Variants in NCOA3 observed in about 807,000 individuals in gnomAD.
NCOA3 encodes the protein nuclear receptor coactivator 3, also known as CBP-interacting protein.
A neutral mutation model predicts 158.8 loss-of-function variants in NCOA3; 51 were observed. The observed-to-expected ratio is 0.32, with a 90% CI of 0.26 to 0.41. NCOA3 has a LOEUF of 0.41. Ranked by LOEUF, NCOA3 falls within the 10% of genes least tolerant of loss-of-function variation. The pLI, the probability that NCOA3 is intolerant of heterozygous loss-of-function variation, is 1.00. For missense variants in NCOA3, 1,510 were observed against 1,746.6 expected, an observed-to-expected ratio of 0.86 and a Z score of 2.41; for synonymous variants, 537 against 592.4, an observed-to-expected ratio of 0.91 and a Z score of 1.36.
intron 1 of NCOA3, among the ~76,000 whole-genome samples, chr20:47,565,767 A>T (rs941303791): frequency 6.6e-6 from 1 of 152,092 alleles, no homozygotes; most frequent in Non-Finnish European, 1.5e-5. Flanking sequence ...CATAGCTAGT[A>T]ATTAGGACAG....
chr20:47,583,543 C>T (rs2085486977), intron 2 of NCOA3, among the ~76,000 whole-genome samples: 2 of 152,214 alleles, frequency 1.3e-5, no homozygotes, highest in Admixed American at 6.5e-5. Flanking sequence ...CTAATAACCT[C>T]CTCTTGCCTA....
At chr20:47,584,148 TTAGC>T (rs2085496627) in intron 2 of NCOA3, among the ~76,000 whole-genome samples, 1 of 150,872 alleles carries the variant, frequency 6.6e-6, no homozygotes, top group Non-Finnish European at 1.5e-5. Flanking sequence ...ACACAAAAAA[TTAGC>T]TAGCAAGGTG....
intron 2 of NCOA3, among the ~76,000 whole-genome samples, chr20:47,598,044 G>C (rs1039687833): frequency 1.1e-4 from 16 of 151,360 alleles, no homozygotes; most frequent in Non-Finnish European, 1.9e-4. Flanking sequence ...AGGAGATTGA[G>C]ACCATCCTGG....
chr20:47,629,129 G>T (rs1026130076), intron 8 of NCOA3, among the ~76,000 whole-genome samples: 2 of 152,146 alleles, frequency 1.3e-5, no homozygotes, highest in Non-Finnish European at 2.9e-5. Context: ...ACATATGTAT[G>T]TGTGTGTTTG....
intron 1 of NCOA3, among the ~76,000 whole-genome samples, chr20:47,579,418 T>A (rs1208083228): frequency 6.6e-6 from 1 of 152,260 alleles, no homozygotes; most frequent in African/African-American, 2.4e-5. Context: ...GGTTTTTGTA[T>A]GTGTGATTGA....
intron 1 of NCOA3, among the ~76,000 whole-genome samples, chr20:47,570,330 C>G (rs997830535): frequency 6.6e-6 from 1 of 151,930 alleles, no homozygotes; most frequent in Admixed American, 6.6e-5. Context: ...AGTCCCAGCT[C>G]CTCAGGAAGC....
At chr20:47,653,319 G>A (rs2086826209) in intron 22 of NCOA3, 87 bp from the exon 23 acceptor site, 3 of 1,487,118 alleles carry the variant, frequency 2.0e-6, no homozygotes, top group East Asian at 4.5e-5. Context: ...TGTAAGCCAT[G>A]AATGTGGACA....
intron 2 of NCOA3, among the ~76,000 whole-genome samples, chr20:47,616,934 G>A (rs2086149053): frequency 6.6e-6 from 1 of 152,100 alleles, no homozygotes; most frequent in Admixed American, 6.5e-5. Flanking sequence ...GAATTAAGAA[G>A]GGACTCTATG....
At chr20:47,639,469 A>G in intron 14 of NCOA3, 108 bp from the exon 15 acceptor site, 1 of 1,414,214 alleles carries the variant, frequency 7.1e-7, no homozygotes, top group Non-Finnish European at 9.6e-7. Flanking sequence ...ACCATGACAA[A>G]GTGCTGTTTT....
At chr20:47,542,988 A>G (rs1400181428) in intron 1 of NCOA3, among the ~76,000 whole-genome samples, 1 of 152,096 alleles carries the variant, frequency 6.6e-6, no homozygotes, top group African/African-American at 2.4e-5. Context: ...AAACCTCCCA[A>G]ACTCCTTAGT....
At position 47,655,755 on chromosome 20, in the gene NCOA3, T is replaced by A. The variant is rs1347596286; in HGVS notation, c.*2338T>A. 1 of 152,386 alleles carries A rather than the reference T, an allele frequency of 6.6e-6. No individual in the cohort carries two copies. Among genetic ancestry groups the A allele is most frequent in the Non-Finnish European group, 1.5e-5 (1 of 68,010 alleles). The allele number at this position is 152,386 out of a possible 1,614,324, so 9.4% of individuals were successfully genotyped here. ...ATGGTGCTCTTATCTTTCTTGACTT[T>A]AAAAAAATTATTAAAAACAAAAAAA... On this transcript the variant is annotated 3_prime_UTR_variant, in exon 23 of 23. Coordinates refer to ENST00000371998, the MANE Select transcript of NCOA3 (RefSeq NM_181659.3).
At chr20:47,565,081 A>C (rs1450912621) in intron 1 of NCOA3, among the ~76,000 whole-genome samples, 1 of 152,132 alleles carries the variant, frequency 6.6e-6, no homozygotes, top group Non-Finnish European at 1.5e-5. Flanking sequence ...TCGTGGGTTC[A>C]AGCAATTCTC....
rs558820152 is a variant in NCOA3 at position 47,641,607 on chromosome 20, T to G, written c.3081-606T>G. Among the ~76,000 whole-genome samples, 17 of 146,352 alleles carry G rather than the reference T, an allele frequency of 1.2e-4. No individual in the cohort carries two copies. In the South Asian group the frequency reaches 3.6e-3, roughly 31 times the overall value. On this transcript the variant is annotated intron_variant, in intron 16 of 22. Coordinates refer to ENST00000371998, the MANE Select transcript of NCOA3 (RefSeq NM_181659.3). ...GCTCCGCCTCCTGGGTTCATGCCAT[T>G]CCCGCCTCAGCCTCCCGACTAGCTG... is the stretch of plus-strand genomic sequence containing the variant.
intron 2 of NCOA3, among the ~76,000 whole-genome samples, chr20:47,611,523 G>C (rs2086043234): frequency 6.6e-6 from 1 of 152,108 alleles, no homozygotes; most frequent in Admixed American, 6.6e-5. Context: ...TCCTCGGCCG[G>C]GCTCATGCCT....
rs543468172 is a variant in NCOA3 at position 47,504,854 on chromosome 20, A to G, written c.-99+2835A>G. 3.3e-5 allele frequency among the ~76,000 whole-genome samples: 5 copies of G among 151,966 alleles called. No homozygotes were observed. The South Asian group carries it at 1.0e-3, about 32-fold the overall frequency. ...GCATTAGCAGTATGATTCTGGAATA[A>G]TTCATTTTAACTTGGAGTACTGTAA... On this transcript the variant is annotated intron_variant, in intron 1 of 22. Transcript: ENST00000371998.
chr20:47,531,045 T>C (rs1173235316), intron 1 of NCOA3, among the ~76,000 whole-genome samples: 1 of 152,168 alleles, frequency 6.6e-6, no homozygotes, highest in Non-Finnish European at 1.5e-5. Context: ...AGGAATAAAA[T>C]TGAGGAATTT....
chr20:47,617,487 T>C (rs968387282), intron 2 of NCOA3, among the ~76,000 whole-genome samples: 2 of 152,210 alleles, frequency 1.3e-5, no homozygotes, highest in Non-Finnish European at 2.9e-5. Flanking sequence ...TCTTGACTGT[T>C]GACTGAAAGT....
At chr20:47,616,204 T>A (rs2086133531) in intron 2 of NCOA3, among the ~76,000 whole-genome samples, 1 of 146,274 alleles carries the variant, frequency 6.8e-6, no homozygotes, top group Non-Finnish European at 1.5e-5. Context: ...ATGCAGGTTT[T>A]TTTTTTTGGA....
At position 47,636,231 on chromosome 20, in the gene NCOA3, C is replaced by CA; in HGVS notation, c.1848dup (p.Gly617ArgfsTer3). On this transcript the variant is annotated frameshift_variant, in exon 12 of 23. Coordinates refer to ENST00000371998, the MANE Select transcript of NCOA3 (RefSeq NM_181659.3). LOFTEE classifies it high-confidence loss of function. The stretch of plus-strand genomic sequence containing the variant: ...AGAATCAAAGGGGTCCTTTGGAAAG[C>CA]AAAGGTCATAAAAAATTACTGCAGT... 6.2e-7 allele frequency: 1 copy of CA among 1,614,110 alleles called. No homozygotes were observed. Among genetic ancestry groups the CA allele is most frequent in the Non-Finnish European group, 8.5e-7 (1 of 1,180,024 alleles).
Sources: gnomAD v4.1 joint callset for allele counts (sites outside exome capture counted in the v4.1 genomes callset) on GRCh38, gnomAD v4.1.1 for gene constraint, MANE v1.5 for transcripts, NCBI Gene and HGNC (gene_info 2026-07-23, HGNC 2026-07-21) for gene names.